The following PIM2 variants were observed in gnomAD, a reference collection of about 807,000 sequenced individuals.
PIM2 encodes the protein Pim-2 proto-oncogene, serine/threonine kinase.
PIM2 carries 3 observed loss-of-function variants against 18.0 expected under a neutral mutation model. The observed-to-expected ratio is 0.17, with a 90% CI of 0.08 to 0.43. The LOEUF (loss-of-function observed/expected upper bound fraction) is 0.43. Ranked by LOEUF, PIM2 falls within the 20% of genes least tolerant of loss-of-function variation. PIM2 has a pLI of 0.99. For missense variants in PIM2, 181 were observed against 260.8 expected, an observed-to-expected ratio of 0.69 and a Z score of 2.11; for synonymous variants, 117 against 105.3, an observed-to-expected ratio of 1.11 and a Z score of -0.68.
At chrX:48,915,729 A>G (rs1299677726) in intron 3 of PIM2, 4 of 177,307 alleles carry the variant, frequency 2.3e-5, no homozygotes, top group Non-Finnish European at 4.2e-5. Flanking sequence ...TGAGCCCAAG[A>G]GTTCAAGATC....
intron 3 of PIM2, among the ~76,000 whole-genome samples, chrX:48,916,841 C>A (rs1243670397): frequency 2.1e-4 from 21 of 102,369 alleles, no homozygotes; most frequent in African/African-American, 7.7e-4. Flanking sequence ...GAGCGAAACT[C>A]CGTCTCAAGG....
Position 48,915,349 on chromosome X carries a change from T to A in PIM2, c.266A>T (p.Lys89Ile). The A allele has an allele frequency of 8.3e-7, 1 of 1,208,763 alleles. No homozygotes were observed. The highest frequency in any genetic ancestry group is 3.0e-5 in the East Asian group (1 of 33,771). The part of the protein sequence containing the change: ...TCPLEVALLW[K>I]VGAGGGHPGV... ...AGGGTGCCCACCACCTGCACCCACT[T>A]TCCATAGCAGTGCGACTTCGAGTGG... The change falls in exon 4 of 6, where the codon AAA becomes ATA. Residue 89 changes from lysine (K) to isoleucine (I), a missense_variant. Lys to Ile is a moderately radical substitution (Grantham distance 102). Around this residue, in one of 5 missense-constraint regions of PIM2, gnomAD observed 104 missense variants for 125.3 expected, o/e 0.83. Transcript: ENST00000376509.
At position 48,918,987 on chromosome X, in the gene PIM2, C is replaced by T. The variant is rs2063571515; in HGVS notation, c.-153G>A. On this transcript the variant is annotated 5_prime_UTR_variant, in exon 1 of 6. Transcript: ENST00000376509. ...CCGGAAGCGCCCGCAGACGGCGCAGCGTTGAGATTCGCCGCGCGCGCCAGC... is the reference window on the plus strand; with the variant it reads ...CCGGAAGCGCCCGCAGACGGCGCAGTGTTGAGATTCGCCGCGCGCGCCAGC... 1 of 459,919 alleles carries T rather than the reference C, an allele frequency of 2.2e-6. No individual in the cohort carries two copies. The highest frequency in any genetic ancestry group is 4.7e-5 in the Admixed American group (1 of 21,493). 37.9% of individuals were successfully genotyped at this position (459,919 alleles called of 1,213,427 possible).
In PIM2 at chrX:48,914,919, G is replaced by A. The variant is rs1053332571; in HGVS notation, c.595+101C>T. 2.3e-5 allele frequency: 17 copies of A among 746,623 alleles called. No individual in the cohort carries two copies. The African/African-American group carries it at 2.8e-4, about 12-fold the overall frequency. 61.5% of individuals were successfully genotyped at this position (746,623 alleles called of 1,213,427 possible). A position where few individuals can be genotyped will look rare whatever the true frequency, so the allele number is the denominator to read the frequency against. The stretch of plus-strand genomic sequence containing the variant: ...GCAATCGATCATCTTATATAATGCA[G>A]TATGGGTCAAGGATTACAGGACACC... On this transcript the variant is annotated intron_variant, in intron 4 of 5. Coordinates refer to ENST00000376509, the MANE Select transcript of PIM2 (RefSeq NM_006875.4).
At chrX:48,915,683 C>T in intron 3 of PIM2, 1 of 248,867 alleles carries the variant, frequency 4.0e-6, no homozygotes, top group Non-Finnish European at 7.2e-6. Context: ...TCCCTGCAAT[C>T]CCAGCACTTT....
chrX:48,918,610 G>T lies in PIM2; in HGVS notation c.97C>A (p.Arg33=). The T allele has an allele frequency of 8.3e-7, 1 of 1,204,539 alleles. No homozygotes were observed. Among genetic ancestry groups the T allele is most frequent in the Non-Finnish European group, 1.1e-6 (1 of 890,358 alleles). Residue 33 remains arginine (R), a synonymous_variant, in exon 2 of 6, where the codon CGA becomes AGA. Transcript: ENST00000376509. ...CCCTTACCCAGGAGGGGGCCGAGTC[G>T]ATACTCGGCCTCGAACGCTTCCCGA... ...KDREAFEAEY[R]LGPLLGKGGF... is the part of the protein sequence containing the mutation.
intron 4 of PIM2, 178 bp from the exon 5 acceptor site, chrX:48,914,749 A>G: frequency 2.1e-6 from 1 of 472,154 alleles, no homozygotes; most frequent in Non-Finnish European, 3.6e-6. Flanking sequence ...AAAAGCACTG[A>G]AAAGTAACAG....
At chrX:48,918,144 C>T (rs1385117959) in intron 2 of PIM2, among the ~76,000 whole-genome samples, 1 of 109,194 alleles carries the variant, frequency 9.2e-6, no homozygotes, top group South Asian at 4.0e-4. Context: ...AGCTCTACGA[C>T]ACCCCAACTC....
chrX:48,917,649 G>A (rs2063566811), intron 3 of PIM2, 132 bp downstream of exon 3: 3 of 502,878 alleles, frequency 6.0e-6, no homozygotes, highest in African/African-American at 4.7e-5. Flanking sequence ...GTCACCCCAA[G>A]GGAGTATAAA....
chrX:48,918,963 C>G lies in PIM2; in HGVS notation c.-129G>C. On this transcript the variant is annotated 5_prime_UTR_variant, in exon 1 of 6. Coordinates refer to ENST00000376509, the MANE Select transcript of PIM2 (RefSeq NM_006875.4). ...GTGGAAAGCAGAGAAACTGGTGGCC[C>G]GGAAGCGCCCGCAGACGGCGCAGCG... is the stretch of plus-strand genomic sequence containing the variant. The G allele has an allele frequency of 1.9e-6, 1 of 528,172 alleles. No individual in the cohort carries two copies. The highest frequency in any genetic ancestry group is 3.1e-5 in the South Asian group (1 of 32,223). 43.5% of individuals were successfully genotyped at this position (528,172 alleles called of 1,213,427 possible).
At chrX:48,918,456 C>T in intron 2 of PIM2, 80 bp downstream of exon 2, 1 of 673,775 alleles carries the variant, frequency 1.5e-6, no homozygotes, top group Non-Finnish European at 2.3e-6. Flanking sequence ...GCTCACTCCT[C>T]GGTCAACCAG....
Position 48,915,210 on chromosome X carries a change from C to T in PIM2, c.405G>A (p.Leu135=). ...AGAAGCAGCGGCTTGGGCCTTCACCCAGTGGGCCCTTCTCTGTGATATAGT... is the reference window on the plus strand; with the variant it reads ...AGAAGCAGCGGCTTGGGCCTTCACCTAGTGGGCCCTTCTCTGTGATATAGT... The part of the protein sequence containing the change: ...LFDYITEKGP[L]GEGPSRCFFG... The change falls in exon 4 of 6, where the codon CTG becomes CTA. Residue 135 remains leucine, a synonymous_variant. Transcript: ENST00000376509. 2 of 1,212,020 alleles carry T rather than the reference C, an allele frequency of 1.7e-6. No individual in the cohort carries two copies. Among genetic ancestry groups the T allele is most frequent in the African/African-American group, 1.7e-5 (1 of 57,969 alleles).
Position 48,917,835 on chromosome X carries a change from G to A in PIM2, c.172-4C>T. The A allele has an allele frequency of 8.4e-7, 1 of 1,194,322 alleles. No homozygotes were observed. On this transcript the variant is annotated splice_region_variant and splice_polypyrimidine_tract_variant and intron_variant, in intron 2 of 5. Transcript: ENST00000376509. ...GGGGAATCACTTTGATGGCCACCTGGAGAAGAAGGCCGTGATAAGGAGGCC... is the reference window on the plus strand; with the variant it reads ...GGGGAATCACTTTGATGGCCACCTGAAGAAGAAGGCCGTGATAAGGAGGCC...
Position 48,913,889 on chromosome X carries a change from C to T in PIM2, c.*242G>A. ...CAAAATGAGAAGCAAGAAGTTCCCC[C>T]TCCAGAATCAGGGACCACAGGTTCT... On this transcript the variant is annotated 3_prime_UTR_variant, in exon 6 of 6. Coordinates refer to ENST00000376509, the MANE Select transcript of PIM2 (RefSeq NM_006875.4). 3.1e-6 allele frequency: 1 copy of T among 321,513 alleles called. No individual in the cohort carries two copies. The allele number at this position is 321,513 out of a possible 1,213,427, so 26.5% of individuals were successfully genotyped here. A position where few individuals can be genotyped will look rare whatever the true frequency, so the allele number is the denominator to read the frequency against.
intron 3 of PIM2, 133 bp downstream of exon 3, chrX:48,917,648 A>G: frequency 2.0e-6 from 1 of 503,445 alleles, no homozygotes; most frequent in Non-Finnish European, 3.6e-6. Context: ...TGTCACCCCA[A>G]GGGAGTATAA....
chrX:48,918,095 T>TA (rs1408455568), intron 2 of PIM2, among the ~76,000 whole-genome samples: 1 of 109,622 alleles, frequency 9.1e-6, no homozygotes, highest in Non-Finnish European at 1.9e-5. Flanking sequence ...TCCTGAGTTC[T>TA]AGATTTCCTG....
At position 48,913,872 on chromosome X, in the gene PIM2, GAAGC is replaced by G. The variant is rs1167583008; in HGVS notation, c.*255_*258del. Reference sequence around the variant, plus strand: ...AAAATAAACTTCCTTAGCAAAATGAGAAGCAAGAAGTTCCCCCTCCAGAATCAGG... The same window carrying G: ...AAAATAAACTTCCTTAGCAAAATGAGAAGAAGTTCCCCCTCCAGAATCAGG... On this transcript the variant is annotated 3_prime_UTR_variant, in exon 6 of 6. Coordinates refer to ENST00000376509, the MANE Select transcript of PIM2 (RefSeq NM_006875.4). 4 of 308,824 alleles carry G rather than the reference GAAGC, an allele frequency of 1.3e-5. No individual in the cohort carries two copies. The highest frequency in any genetic ancestry group is 1.1e-4 in the African/African-American group (4 of 35,916). The allele number at this position is 308,824 out of a possible 1,213,427, so 25.5% of individuals were successfully genotyped here. A position where few individuals can be genotyped will look rare whatever the true frequency, so the allele number is the denominator to read the frequency against.
rs2063570602 is a variant in PIM2 at position 48,918,760 on chromosome X, G to A, written c.61+14C>T. ...CCCACCCCGTCTGGTTGCAGTAGGGGAGGATGTACTCACCTGGCGGCGGCG... is the reference window on the plus strand; with the variant it reads ...CCCACCCCGTCTGGTTGCAGTAGGGAAGGATGTACTCACCTGGCGGCGGCG... On this transcript the variant is annotated intron_variant, in intron 1 of 5. Transcript: ENST00000376509. 5.0e-6 allele frequency: 6 copies of A among 1,189,150 alleles called. No homozygotes were observed. The highest frequency in any genetic ancestry group is 6.8e-6 in the Non-Finnish European group (6 of 882,838).
At chrX:48,917,466 G>C (rs1159494391) in intron 3 of PIM2, among the ~76,000 whole-genome samples, 1 of 113,222 alleles carries the variant, frequency 8.8e-6, no homozygotes, top group African/African-American at 3.2e-5. Context: ...GCGTTATAAC[G>C]GCAAGAGAGA....
Sources: gnomAD v4.1 joint callset for allele counts (sites outside exome capture counted in the v4.1 genomes callset) on GRCh38, gnomAD v4.1.1 for gene constraint, gnomAD v4.1.1 regional missense constraint, MANE v1.5 for transcripts, NCBI Gene and HGNC (gene_info 2026-07-23, HGNC 2026-07-21) for gene names.